Variants in LDHC observed in about 807,000 individuals in gnomAD.
The protein encoded by LDHC is lactate dehydrogenase C, also known as L-lactate dehydrogenase C chain.
In LDHC, 20 loss-of-function variants were observed where a neutral mutation model predicts 30.2. That is an observed-to-expected ratio of 0.66 (90% CI 0.47 to 0.96). LDHC has a LOEUF of 0.96. Ranked by LOEUF, LDHC falls within the 40% of genes least tolerant of loss-of-function variation. LDHC has a pLI of 0.00. For missense variants in LDHC, 362 were observed against 394.9 expected, an observed-to-expected ratio of 0.92 and a Z score of 0.71; for synonymous variants, 139 against 132.7, an observed-to-expected ratio of 1.05 and a Z score of -0.32.
intron 2 of LDHC, among the ~76,000 whole-genome samples, chr11:18,413,453 T>TTC (rs1565045226): frequency 2.1e-5 from 3 of 144,030 alleles, no homozygotes; most frequent in Non-Finnish European, 4.5e-5. Flanking sequence ...GTGTTTATTG[T>TTC]TCTCTCTTTT....
chr11:18,432,085 T>C lies in LDHC; in HGVS notation c.418+2175T>C, dbSNP rs149900031. ...TGTCTTTTGTGGTCTTTCAGACTTT[T>C]TGATGTAGGCATTTAGGGCTATGAA... On this transcript the variant is annotated intron_variant, in intron 4 of 7. Coordinates refer to ENST00000541669, the MANE Select transcript of LDHC (RefSeq NM_017448.5). Among the ~76,000 whole-genome samples the C allele has an allele frequency of 3.7e-3, 557 of 152,332 alleles. 8 individuals are homozygous for C. Among genetic ancestry groups the C allele is most frequent in the African/African-American group, 0.013 (539 of 41,582 alleles).
chr11:18,433,398 TAA>T (rs202023810), intron 4 of LDHC, among the ~76,000 whole-genome samples: 3 of 132,790 alleles, frequency 2.3e-5, no homozygotes, highest in East Asian at 2.2e-4. Context: ...AAAAAGGAAA[TAA>T]AAAAAAAAAA....
intron 6 of LDHC, among the ~76,000 whole-genome samples, chr11:18,442,748 C>T (rs1229443673): frequency 6.7e-6 from 1 of 150,280 alleles, no homozygotes; most frequent in Non-Finnish European, 1.5e-5. Flanking sequence ...CTGCAACCTC[C>T]GCCTCCTGGG....
intron 4 of LDHC, among the ~76,000 whole-genome samples, chr11:18,431,438 G>A (rs2134059899): frequency 6.6e-6 from 1 of 151,724 alleles, no homozygotes; most frequent in South Asian, 2.1e-4. Context: ...TTCCAGCCTG[G>A]GCAACAAGAG....
At chr11:18,439,821 A>C (rs1265948897) in intron 6 of LDHC, among the ~76,000 whole-genome samples, 2 of 143,288 alleles carry the variant, frequency 1.4e-5, no homozygotes, top group East Asian at 4.0e-4. Context: ...TAAAAAAAAA[A>C]AAAAAAAAAA....
chr11:18,448,302 G>A (rs1848590085), intron 7 of LDHC, among the ~76,000 whole-genome samples: 1 of 152,074 alleles, frequency 6.6e-6, no homozygotes, highest in Admixed American at 6.6e-5. Context: ...GTTTTGGGGA[G>A]GGATGAAGTC....
intron 3 of LDHC, among the ~76,000 whole-genome samples, chr11:18,416,066 CAG>C (rs147904281): frequency 0.016 from 2,419 of 152,244 alleles, 60 homozygotes; most frequent in African/African-American, 0.055. Flanking sequence ...ATTTGGAAAA[CAG>C]AAAGTATAAA....
intron 6 of LDHC, among the ~76,000 whole-genome samples, chr11:18,443,569 C>T (rs190060485): frequency 4.9e-4 from 74 of 151,572 alleles, no homozygotes; most frequent in African/African-American, 1.7e-3. Context: ...AAGCCATCCT[C>T]ACACCTCAGC....
rs79050820 is a variant in LDHC at position 18,430,892 on chromosome 11, T to C, written c.418+982T>C. ...AGAAATTACCAAACAGGTTGGGCATTGTGGCTCATGCCTGTAATCCTAGCA... is the reference window on the plus strand; with the variant it reads ...AGAAATTACCAAACAGGTTGGGCATCGTGGCTCATGCCTGTAATCCTAGCA... On this transcript the variant is annotated intron_variant, in intron 4 of 7. Coordinates refer to ENST00000541669, the MANE Select transcript of LDHC (RefSeq NM_017448.5). 3.7e-3 allele frequency among the ~76,000 whole-genome samples: 559 copies of C among 152,222 alleles called. 8 individuals carry two copies. Among genetic ancestry groups the C allele is most frequent in the African/African-American group, 0.013 (540 of 41,520 alleles).
chr11:18,449,661 G>A (rs538409803), intron 7 of LDHC, among the ~76,000 whole-genome samples: 2 of 152,220 alleles, frequency 1.3e-5, no homozygotes, highest in East Asian at 3.9e-4. Flanking sequence ...GAGGGTGAGT[G>A]TAAAGTGGCT....
At chr11:18,412,476 G>T (rs1413195032) in intron 1 of LDHC, 68 bp downstream of exon 1, 4 of 446,320 alleles carry the variant, frequency 9.0e-6, no homozygotes, top group Middle Eastern at 6.6e-4. Flanking sequence ...AGCGTGTGGT[G>T]CTGGGGTGAA....
chr11:18,445,713 A>G (rs1398992804), intron 6 of LDHC, among the ~76,000 whole-genome samples: 2 of 152,200 alleles, frequency 1.3e-5, no homozygotes, highest in African/African-American at 2.4e-5. Context: ...GCTCACACCT[A>G]TAATACCAGC....
At chr11:18,432,197 T>G (rs111789178) in intron 4 of LDHC, among the ~76,000 whole-genome samples, 1,626 of 152,306 alleles carry the variant, frequency 0.011, 35 homozygotes, top group African/African-American at 0.037. Flanking sequence ...AATTTTTAAT[T>G]TCTATCTTGA....
At chr11:18,420,726 A>C (rs1440298767) in intron 3 of LDHC, among the ~76,000 whole-genome samples, 1 of 151,944 alleles carries the variant, frequency 6.6e-6, no homozygotes, top group African/African-American at 2.4e-5. Context: ...GGCCCTCCCT[A>C]AAGGAAACAC....
chr11:18,425,912 G>T (rs1378712993), intron 3 of LDHC, among the ~76,000 whole-genome samples: 1 of 151,688 alleles, frequency 6.6e-6, no homozygotes, highest in Non-Finnish European at 1.5e-5. Flanking sequence ...CTGCACTCCA[G>T]CCTGGGCAAC....
chr11:18,438,887 A>G (rs906590646), intron 6 of LDHC, among the ~76,000 whole-genome samples: 3 of 152,208 alleles, frequency 2.0e-5, no homozygotes, highest in African/African-American at 7.2e-5. Context: ...GATTATGAGC[A>G]TGGACTTTGG....
At chr11:18,422,012 T>C (rs1848070184) in intron 3 of LDHC, among the ~76,000 whole-genome samples, 1 of 151,552 alleles carries the variant, frequency 6.6e-6, no homozygotes, top group Non-Finnish European at 1.5e-5. Flanking sequence ...TAGTCCCAGC[T>C]ACTCAGGAGG....
chr11:18,441,286 A>G (rs1848460188), intron 6 of LDHC, among the ~76,000 whole-genome samples: 1 of 152,054 alleles, frequency 6.6e-6, no homozygotes, highest in African/African-American at 2.4e-5. Context: ...AACACAGTAT[A>G]GCATATCAGT....
intron 5 of LDHC, 145 bp from the exon 6 acceptor site, chr11:18,438,383 G>T: frequency 1.7e-6 from 1 of 592,430 alleles, no homozygotes; most frequent in East Asian, 2.8e-5. Flanking sequence ...CCCAACACTA[G>T]CGGTTACATT....
Sources: allele counts gnomAD v4.1 joint callset (sites outside exome capture counted in the v4.1 genomes callset), GRCh38; gene constraint gnomAD v4.1.1; transcripts MANE v1.5; gene names NCBI Gene and HGNC (gene_info 2026-07-23, HGNC 2026-07-21).